WDR70: variants seen among roughly 807,000 people sequenced by gnomAD.
WDR70 encodes the protein WD repeat domain 70, also known as WD repeat-containing protein 70.
WDR70 carries 53 observed loss-of-function variants against 88.6 expected under a neutral mutation model. That is an observed-to-expected ratio of 0.60 (90% CI 0.48 to 0.75). The LOEUF is 0.75. Ranked by LOEUF, WDR70 falls within the 30% of genes least tolerant of loss-of-function variation. The probability of loss-of-function intolerance (pLI) is 0.00; values close to 1 mark genes in which losing one functional copy is unlikely to be tolerated. For missense variants in WDR70, 610 were observed against 823.2 expected, an observed-to-expected ratio of 0.74 and a Z score of 3.17; for synonymous variants, 280 against 270.0, an observed-to-expected ratio of 1.04 and a Z score of -0.36.
chr5:37,712,118 G>A (rs191628078), intron 13 of WDR70, among the ~76,000 whole-genome samples: 1 of 150,874 alleles, frequency 6.6e-6, no homozygotes, highest in African/African-American at 2.4e-5. Flanking sequence ...TCAGCCTTCT[G>A]AGTAGCTGGG....
At chr5:37,673,343 AAC>A (rs901139132) in intron 10 of WDR70, among the ~76,000 whole-genome samples, 2 of 152,074 alleles carry the variant, frequency 1.3e-5, no homozygotes, top group African/African-American at 4.8e-5. Context: ...TGCTATTGTG[AAC>A]AGTGTTGCAG....
chr5:37,613,492 G>T (rs1405706393), intron 10 of WDR70, among the ~76,000 whole-genome samples: 1 of 152,148 alleles, frequency 6.6e-6, no homozygotes, highest in Non-Finnish European at 1.5e-5. Context: ...AAGGCAAACT[G>T]ATTTGTCTTA....
chr5:37,401,316 A>ATT (rs34313185), intron 5 of WDR70, among the ~76,000 whole-genome samples: 103 of 127,002 alleles, frequency 8.1e-4, no homozygotes, highest in East Asian at 9.4e-4. Flanking sequence ...CCAAAGATTA[A>ATT]TTTTTTTTTT....
rs761874919 is a variant in WDR70, at chr5:37,725,059, G to A, written c.1714+9G>A. The A allele has an allele frequency of 1.2e-6, 2 of 1,611,798 alleles. No individual in the cohort carries two copies. Among genetic ancestry groups the A allele is most frequent in the Non-Finnish European group, 1.7e-6 (2 of 1,178,336 alleles). On this transcript the variant is annotated intron_variant, in intron 16 of 17. Coordinates refer to ENST00000265107, the MANE Select transcript of WDR70 (RefSeq NM_018034.4). ...TCCTGTAGCAGGCCCAGGTGACTGTGATCCAGCTAGTGACCTGCAGAGGGG... is the reference window on the plus strand; with the variant it reads ...TCCTGTAGCAGGCCCAGGTGACTGTAATCCAGCTAGTGACCTGCAGAGGGG...
intron 13 of WDR70, among the ~76,000 whole-genome samples, chr5:37,710,422 T>G (rs910579198): frequency 6.6e-6 from 1 of 152,114 alleles, no homozygotes; most frequent in Admixed American, 6.6e-5. Flanking sequence ...TCCATAATTA[T>G]TGTGTTGTGG....
chr5:37,497,601 G>C (rs1285066954), intron 8 of WDR70, among the ~76,000 whole-genome samples: 2 of 151,736 alleles, frequency 1.3e-5, no homozygotes, highest in African/African-American at 4.8e-5. Flanking sequence ...GAACTTGGAG[G>C]GAGTACAATG....
At chr5:37,717,802 T>A (rs536834294) in intron 13 of WDR70, among the ~76,000 whole-genome samples, 1 of 152,328 alleles carries the variant, frequency 6.6e-6, no homozygotes, top group East Asian at 1.9e-4. Flanking sequence ...GGATAAAATG[T>A]GGAGCCGCAT....
At chr5:37,424,145 T>A in intron 5 of WDR70, among the ~76,000 whole-genome samples, 1 of 53,830 alleles carries the variant, frequency 1.9e-5, no homozygotes, top group Non-Finnish European at 3.2e-5. Context: ...GGAGACTCCA[T>A]CTCAAAAAAA....
chr5:37,393,726 G>C (rs1748919302), intron 4 of WDR70, among the ~76,000 whole-genome samples: 1 of 151,980 alleles, frequency 6.6e-6, no homozygotes, highest in South Asian at 2.1e-4. Context: ...GGTCACCCAG[G>C]CTGGAGTGCA....
At chr5:37,406,606 G>A (rs1266977541) in intron 5 of WDR70, among the ~76,000 whole-genome samples, 1 of 152,138 alleles carries the variant, frequency 6.6e-6, no homozygotes, top group Non-Finnish European at 1.5e-5. Context: ...GATTAAATGA[G>A]TGAATGAATG....
In WDR70 at chr5:37,721,198, C is replaced by A; in HGVS notation, c.1500C>A (p.Asp500Glu). The A allele has an allele frequency of 1.2e-6, 2 of 1,613,592 alleles. No homozygotes were observed. The highest frequency in any genetic ancestry group is 1.7e-6 in the Non-Finnish European group (2 of 1,179,680). The part of the protein sequence containing the change: ...TGNGLAKVYY[D>E]PNKSQRGAKL... ...ATGGATTGGCTAAAGTCTATTACGACCCCAACAAGAGTCAGAGGTATTTCA... is the reference window on the plus strand; with the variant it reads ...ATGGATTGGCTAAAGTCTATTACGAACCCAACAAGAGTCAGAGGTATTTCA... Residue 500 changes from aspartate to glutamate, a missense_variant, in exon 14 of 18, where the codon GAC becomes GAA. Physicochemically the swap from Asp to Glu is conservative, Grantham distance 45 (BLOSUM62 2). Coordinates refer to ENST00000265107, the MANE Select transcript of WDR70 (RefSeq NM_018034.4).
At chr5:37,665,557 C>CCAAAG (rs2112583089) in intron 10 of WDR70, among the ~76,000 whole-genome samples, 1 of 152,242 alleles carries the variant, frequency 6.6e-6, no homozygotes, top group East Asian at 1.9e-4. Context: ...CAAACAACCC[C>CCAAAG]CAAAAGTCTC....
At chr5:37,415,831 C>G (rs71370413) in intron 5 of WDR70, among the ~76,000 whole-genome samples, 1 of 148,944 alleles carries the variant, frequency 6.7e-6, no homozygotes, top group African/African-American at 2.5e-5. Context: ...ACCTCCCAGA[C>G]GGGGTCGCGG....
chr5:37,673,583 A>ACC (rs139281997), intron 10 of WDR70, among the ~76,000 whole-genome samples: 14,222 of 75,772 alleles, frequency 0.19, 1,276 homozygotes, highest in South Asian at 0.26. Context: ...GACTTTTCTT[A>ACC]CCCCCCCCCC....
intron 10 of WDR70, among the ~76,000 whole-genome samples, chr5:37,664,683 T>G (rs1355337152): frequency 6.6e-6 from 1 of 152,258 alleles, no homozygotes; most frequent in Admixed American, 6.5e-5. Context: ...TTTGAATGTT[T>G]GCCTCCCTTT....
intron 9 of WDR70, among the ~76,000 whole-genome samples, chr5:37,597,709 A>G (rs1743744911): frequency 6.6e-6 from 1 of 152,180 alleles, no homozygotes. Context: ...TTCACTATGC[A>G]GGCATGAGGT....
intron 10 of WDR70, among the ~76,000 whole-genome samples, chr5:37,608,144 T>C (rs1744088468): frequency 1.3e-5 from 2 of 150,008 alleles, no homozygotes; most frequent in South Asian, 4.2e-4. Flanking sequence ...CGGATTCAAG[T>C]GGTTCTTCTG....
chr5:37,505,919 C>G (rs1740545953), intron 8 of WDR70: 2 of 1,392,208 alleles, frequency 1.4e-6, no homozygotes, highest in South Asian at 2.3e-5. Context: ...CTTCCATATC[C>G]ACACCTTTCA....
rs778857085 is a variant in WDR70, at chr5:37,605,049, C to T, written c.918-15C>T. On this transcript the variant is annotated splice_polypyrimidine_tract_variant and intron_variant, in intron 9 of 17. Transcript: ENST00000265107. Reference sequence around the variant, plus strand: ...TTTTTTTTAAATAAATGAAAAATCTCCTGATCATTTTTAGGACTGTGAGGA... The same window carrying T: ...TTTTTTTTAAATAAATGAAAAATCTTCTGATCATTTTTAGGACTGTGAGGA... 31 of 1,560,728 alleles carry T rather than the reference C, an allele frequency of 2.0e-5. No individual in the cohort carries two copies. Among genetic ancestry groups the T allele is most frequent in the Non-Finnish European group, 2.5e-5 (29 of 1,156,366 alleles).
Sources: gnomAD v4.1 joint callset for allele counts (sites outside exome capture counted in the v4.1 genomes callset) on GRCh38, gnomAD v4.1.1 for gene constraint, MANE v1.5 for transcripts, NCBI Gene and HGNC (gene_info 2026-07-23, HGNC 2026-07-21) for gene names.